ABCG2: variants seen among roughly 807,000 people sequenced by gnomAD.
ABCG2 encodes broad substrate specificity ATP-binding cassette transporter ABCG2.
ABCG2 carries 80 observed loss-of-function variants against 73.5 expected under a neutral mutation model. The ratio of observed to expected loss-of-function variants is 1.09; its 90% CI spans 0.91 to 1.31. The LOEUF (loss-of-function observed/expected upper bound fraction) is 1.31. ABCG2 is among the 50% of genes most tolerant of loss of function. The pLI is 0.00. For missense variants in ABCG2, 796 were observed against 786.2 expected (o/e 1.01, Z -0.15); for synonymous variants, 269 against 282.4 (o/e 0.95, Z 0.48).
chr4:88,152,875 C>A (rs1456688780), intron 1 of ABCG2, among the ~76,000 whole-genome samples: 2 of 151,616 alleles, frequency 1.3e-5, no homozygotes, highest in African/African-American at 4.9e-5. Flanking sequence ...GGCGTGGGAA[C>A]CTAAAGTGGG....
chr4:88,110,958 A>G (rs937770751), intron 9 of ABCG2, among the ~76,000 whole-genome samples: 3 of 152,236 alleles, frequency 2.0e-5, no homozygotes, highest in African/African-American at 7.2e-5. Context: ...CACTGCTCTG[A>G]ACATGGCTGG....
chr4:88,107,343 T>A, intron 9 of ABCG2, 77 bp from the exon 10 acceptor site: 1 of 951,428 alleles, frequency 1.1e-6, no homozygotes, highest in Non-Finnish European at 1.6e-6. Flanking sequence ...CATTTATTAG[T>A]ATAATATATG....
intron 10 of ABCG2, among the ~76,000 whole-genome samples, chr4:88,106,545 G>A (rs979161141): frequency 1.4e-4 from 21 of 152,222 alleles, no homozygotes; most frequent in African/African-American, 4.8e-4. Context: ...CCACTTATAT[G>A]AGGGTCTTAG....
At chr4:88,185,893 G>A (rs778252173) in intron 1 of ABCG2, among the ~76,000 whole-genome samples, 2 of 152,172 alleles carry the variant, frequency 1.3e-5, no homozygotes, top group Non-Finnish European at 2.9e-5. Context: ...GGGAACCCCT[G>A]TGCACTGTTG....
At chr4:88,211,358 G>GCCCCCCCCCCCCCCCCCCCCCTC (rs1264405228) in intron 1 of ABCG2, among the ~76,000 whole-genome samples, 1 of 33,648 alleles carries the variant, frequency 3.0e-5, no homozygotes, top group Non-Finnish European at 5.6e-5. Context: ...TTCAACCCCT[G>GCCCCCCCCCCCCCCCCCCCCCTC]CCCCACCCCC....
chr4:88,135,335 C>T (rs1725164620), intron 2 of ABCG2, among the ~76,000 whole-genome samples: 1 of 152,232 alleles, frequency 6.6e-6, no homozygotes, highest in Admixed American at 6.5e-5. Context: ...CTCACACCCT[C>T]CTGCCCATGA....
intron 1 of ABCG2, among the ~76,000 whole-genome samples, chr4:88,169,701 T>A (rs558167851): frequency 2.0e-5 from 3 of 152,224 alleles, no homozygotes; most frequent in East Asian, 1.9e-4. Flanking sequence ...TAGAAGAAAG[T>A]AAGTAAACGA....
intron 1 of ABCG2, among the ~76,000 whole-genome samples, chr4:88,166,858 G>A (rs1727542430): frequency 1.3e-5 from 2 of 152,118 alleles, no homozygotes; most frequent in African/African-American, 4.8e-5. Context: ...CATGCAGATG[G>A]CAAAAGTTGA....
At chr4:88,193,260 T>C (rs895646730) in intron 1 of ABCG2, among the ~76,000 whole-genome samples, 1 of 152,046 alleles carries the variant, frequency 6.6e-6, no homozygotes, top group Non-Finnish European at 1.5e-5. Context: ...AATTATAAGA[T>C]GAACAAAACA....
chr4:88,144,449 CTTTTTTTTTT>C (rs59434855), intron 1 of ABCG2, among the ~76,000 whole-genome samples: 1 of 77,582 alleles, frequency 1.3e-5, no homozygotes, highest in Non-Finnish European at 2.2e-5. Flanking sequence ...CACATTTTTA[CTTTTTTTTTT>C]TTTTTTTTTT....
At chr4:88,121,868 T>A in intron 5 of ABCG2, 76 bp from the exon 6 acceptor site, 3 of 1,414,314 alleles carry the variant, frequency 2.1e-6, no homozygotes, top group Non-Finnish European at 2.9e-6. Context: ...CGTGTGCCAG[T>A]CCTGTAAGAG....
intron 1 of ABCG2, among the ~76,000 whole-genome samples, chr4:88,151,086 C>G (rs1726444797): frequency 6.6e-6 from 1 of 152,166 alleles, no homozygotes; most frequent in African/African-American, 2.4e-5. Context: ...TGAGAAGCCC[C>G]TATGAATTTA....
At chr4:88,183,509 G>T (rs984277573) in intron 1 of ABCG2, among the ~76,000 whole-genome samples, 4 of 151,980 alleles carry the variant, frequency 2.6e-5, no homozygotes, top group Non-Finnish European at 5.9e-5. Context: ...AACTAAGAAT[G>T]AACCATAATG....
In ABCG2 at chr4:88,224,386, C is replaced by T. The variant is rs114779794; in HGVS notation, c.-20+6608G>A. 4.8e-3 allele frequency among the ~76,000 whole-genome samples: 724 copies of T among 152,170 alleles called. 7 individuals are homozygous for T. Among genetic ancestry groups the T allele is most frequent in the African/African-American group, 0.017 (690 of 41,502 alleles). ...TGGGGAAGTTGAGGCTGAAATGAGCCGAGATGGTGTCACTGCACCCCAGCC... is the reference window on the plus strand; with the variant it reads ...TGGGGAAGTTGAGGCTGAAATGAGCTGAGATGGTGTCACTGCACCCCAGCC... On this transcript the variant is annotated intron_variant, in intron 1 of 15. Coordinates refer to the ABCG2 transcript ENST00000515655.
intron 1 of ABCG2, among the ~76,000 whole-genome samples, chr4:88,180,480 A>G (rs1228924635): frequency 6.6e-6 from 1 of 152,232 alleles, no homozygotes; most frequent in African/African-American, 2.4e-5. Flanking sequence ...TCATGCCTAT[A>G]ATCCCAGCAC....
intron 1 of ABCG2, among the ~76,000 whole-genome samples, chr4:88,153,625 T>C (rs1227358085): frequency 6.6e-6 from 1 of 151,978 alleles, no homozygotes; most frequent in Non-Finnish European, 1.5e-5. Context: ...CGGTCCTCTA[T>C]TGAACCGTAT....
At position 88,099,456 on chromosome 4, in the gene ABCG2, A is replaced by G; in HGVS notation, c.1368-8T>C. The G allele has an allele frequency of 1.3e-6, 2 of 1,593,894 alleles. No individual in the cohort carries two copies. The highest frequency in any genetic ancestry group is 1.7e-6 in the Non-Finnish European group (2 of 1,172,716). ...CCGCTGATGTATTCATGTCTATAGA[A>G]CAAAAATACGTATCATACATCCAAG... is the stretch of plus-strand genomic sequence containing the variant. On this transcript the variant is annotated splice_polypyrimidine_tract_variant and splice_region_variant and intron_variant, in intron 11 of 15. Coordinates refer to ENST00000237612, the MANE Select transcript of ABCG2 (RefSeq NM_004827.3).
At chr4:88,146,217 C>T (rs1470084507) in intron 1 of ABCG2, among the ~76,000 whole-genome samples, 1 of 151,926 alleles carries the variant, frequency 6.6e-6, no homozygotes, top group African/African-American at 2.4e-5. Flanking sequence ...TTAAATGTTA[C>T]TTTAGAGAAG....
intron 15 of ABCG2, among the ~76,000 whole-genome samples, chr4:88,094,123 C>A (rs1317346399): frequency 6.6e-6 from 1 of 152,144 alleles, no homozygotes; most frequent in Non-Finnish European, 1.5e-5. Context: ...GCTATTGCTG[C>A]CTATTTCATT....
Sources: allele counts gnomAD v4.1 joint callset (sites outside exome capture counted in the v4.1 genomes callset), GRCh38; gene constraint gnomAD v4.1.1; transcripts MANE v1.5; gene names NCBI Gene and HGNC (gene_info 2026-07-23, HGNC 2026-07-21).